MNAT1: variants seen among roughly 807,000 people sequenced by gnomAD.
MNAT1 encodes the protein MNAT1 component of CDK activating kinase, also known as CDK-activating kinase assembly factor MAT1.
Under a neutral mutation model 42.0 loss-of-function variants are expected in MNAT1, and 43 were observed. That is an observed-to-expected ratio of 1.02 (90% confidence interval 0.80 to 1.32). MNAT1 has a LOEUF of 1.32. Among genes scored for constraint, MNAT1 ranks in the 40% most tolerant of loss-of-function variants. The pLI, the probability that MNAT1 is intolerant of heterozygous loss-of-function variation, is 0.00. For missense variants in MNAT1, 306 were observed against 350.4 expected (o/e 0.87, Z 1.01); for synonymous variants, 118 against 120.0 (o/e 0.98, Z 0.11).
intron 7 of MNAT1, among the ~76,000 whole-genome samples, chr14:60,927,317 G>A (rs1204757377): frequency 2.0e-5 from 3 of 152,196 alleles, no homozygotes; most frequent in Non-Finnish European, 2.9e-5. Context: ...GTTAATTTTA[G>A]TGTGCTACTA....
intron 6 of MNAT1, among the ~76,000 whole-genome samples, chr14:60,869,041 T>TATATA (rs373998263): frequency 1.9e-3 from 172 of 92,730 alleles, no homozygotes; most frequent in African/African-American, 6.3e-3. Context: ...TATATATATA[T>TATATA]TTTTTTTTTT....
chr14:60,745,072 C>G (rs961068251), intron 1 of MNAT1, among the ~76,000 whole-genome samples: 14 of 152,176 alleles, frequency 9.2e-5, no homozygotes, highest in African/African-American at 3.1e-4. Context: ...CATCAACTAC[C>G]CTGCATTCTG....
At chr14:60,865,152 T>C (rs2034176659) in intron 6 of MNAT1, among the ~76,000 whole-genome samples, 1 of 152,080 alleles carries the variant, frequency 6.6e-6, no homozygotes, top group South Asian at 2.1e-4. Context: ...TTATTCAGTC[T>C]CTATAATGGC....
chr14:60,937,225 G>C (rs2036017369), intron 7 of MNAT1, among the ~76,000 whole-genome samples: 7 of 152,150 alleles, frequency 4.6e-5, no homozygotes. Context: ...AAGCTCTTTA[G>C]TTTAATTAGA....
intron 7 of MNAT1, among the ~76,000 whole-genome samples, chr14:60,936,258 T>C (rs898615073): frequency 8.5e-5 from 13 of 152,196 alleles, no homozygotes; most frequent in African/African-American, 3.1e-4. Flanking sequence ...CTTTAAGTTT[T>C]AGGGTACATG....
intron 1 of MNAT1, among the ~76,000 whole-genome samples, chr14:60,751,849 T>C (rs150342367): frequency 1.4e-4 from 21 of 152,210 alleles, no homozygotes; most frequent in African/African-American, 4.8e-4. Context: ...ATAGTGGTTA[T>C]ATCATTGAAA....
At chr14:60,815,223 CT>C (rs1038102057) in intron 5 of MNAT1, among the ~76,000 whole-genome samples, 84 of 145,690 alleles carry the variant, frequency 5.8e-4, no homozygotes, top group Admixed American at 7.5e-4. Context: ...TTCTTTTTCC[CT>C]TTTTTTTTTT....
At chr14:60,737,501 A>T (rs752012099) in intron 1 of MNAT1, among the ~76,000 whole-genome samples, 1 of 152,108 alleles carries the variant, frequency 6.6e-6, no homozygotes, top group Non-Finnish European at 1.5e-5. Context: ...ATAGTAGTCC[A>T]TTGTTCAAAT....
intron 3 of MNAT1, among the ~76,000 whole-genome samples, chr14:60,800,396 T>A (rs146678706): frequency 9.2e-5 from 14 of 152,182 alleles, no homozygotes; most frequent in Non-Finnish European, 1.9e-4. Flanking sequence ...TTTTAAAAAG[T>A]AGCTGGGTGT....
chr14:60,820,128 A>G (rs1038053464), intron 6 of MNAT1, among the ~76,000 whole-genome samples: 6 of 152,096 alleles, frequency 3.9e-5, no homozygotes, highest in African/African-American at 1.4e-4. Flanking sequence ...ATGACATGCA[A>G]TATTGAAGTG....
chr14:60,820,592 T>C (rs2032858330), intron 6 of MNAT1, among the ~76,000 whole-genome samples: 1 of 151,798 alleles, frequency 6.6e-6, no homozygotes. Flanking sequence ...GATACTTCGG[T>C]ATTAAGTTGG....
intron 3 of MNAT1, among the ~76,000 whole-genome samples, chr14:60,799,693 TA>T (rs199618525): frequency 6.7e-6 from 1 of 149,422 alleles, no homozygotes; most frequent in South Asian, 2.1e-4. Context: ...GAGCTATGAT[TA>T]AAAAAATATA....
chr14:60,957,356 T>C (rs1294539242), intron 7 of MNAT1, among the ~76,000 whole-genome samples: 2 of 152,222 alleles, frequency 1.3e-5, no homozygotes, highest in Admixed American at 6.5e-5. Context: ...TTCCACATGG[T>C]TGGGGAGGCC....
intron 7 of MNAT1, among the ~76,000 whole-genome samples, chr14:60,943,700 T>G (rs2036220436): frequency 6.6e-6 from 1 of 152,164 alleles, no homozygotes; most frequent in Non-Finnish European, 1.5e-5. Context: ...CCCTCCATGT[T>G]GCTGGTTGCT....
intron 7 of MNAT1, among the ~76,000 whole-genome samples, chr14:60,945,194 T>C (rs912199762): frequency 6.6e-6 from 1 of 152,210 alleles, no homozygotes; most frequent in Non-Finnish European, 1.5e-5. Flanking sequence ...TCCAAACCTA[T>C]AGCTTCCTAT....
At chr14:60,879,577 TTGTACCCATGGAA>T (rs2139462366) in intron 6 of MNAT1, 124 bp from the exon 7 acceptor site, 1 of 753,802 alleles carries the variant, frequency 1.3e-6, no homozygotes, top group East Asian at 2.9e-5. Context: ...CTGCAATGCA[TTGTACCCATGGAA>T]CAGCACAACT....
At chr14:60,944,512 C>G (rs913585028) in intron 7 of MNAT1, among the ~76,000 whole-genome samples, 2 of 152,214 alleles carry the variant, frequency 1.3e-5, no homozygotes, top group Non-Finnish European at 2.9e-5. Flanking sequence ...GAGAAATAGA[C>G]TTCTATCGTT....
rs533650260 is a variant in MNAT1, at chr14:60,802,764, C to T, written c.316+4604C>T. ...TTGTATGGTGTTAATCAGGTAAACC[C>T]GGGAGAATAGGCAGTATTTTCTATT... On this transcript the variant is annotated intron_variant, in intron 3 of 7. Coordinates refer to ENST00000261245, the MANE Select transcript of MNAT1 (RefSeq NM_002431.4). 4.6e-5 allele frequency among the ~76,000 whole-genome samples: 7 copies of T among 151,952 alleles called. No individual in the cohort carries two copies. The East Asian group carries it at 9.7e-4, about 21-fold the overall frequency.
At chr14:60,832,992 G>C (rs1223112528) in intron 6 of MNAT1, among the ~76,000 whole-genome samples, 1 of 152,092 alleles carries the variant, frequency 6.6e-6, no homozygotes, top group Non-Finnish European at 1.5e-5. Flanking sequence ...TATTGTTGTT[G>C]TATAGGAATG....
Sources: gnomAD v4.1 joint callset for allele counts (sites outside exome capture counted in the v4.1 genomes callset) on GRCh38, gnomAD v4.1.1 for gene constraint, MANE v1.5 for transcripts, NCBI Gene and HGNC (gene_info 2026-07-23, HGNC 2026-07-21) for gene names.